Variants in CNBD1 observed in about 807,000 individuals in gnomAD.
The protein encoded by CNBD1 is cyclic nucleotide binding domain containing 1, also known as cyclic nucleotide-binding domain-containing protein 1.
Under a neutral mutation model 54.4 loss-of-function variants are expected in CNBD1, and 71 were observed. The observed-to-expected ratio is 1.30, with a 90% CI of 1.08 to 1.59. CNBD1 has a LOEUF of 1.59. Ranked by LOEUF, CNBD1 falls within the 40% of genes most tolerant of loss-of-function variation. The pLI, the probability that CNBD1 is intolerant of heterozygous loss-of-function variation, is 0.00. For synonymous variants in CNBD1, 182 were observed against 170.7 expected, an observed-to-expected ratio of 1.07 and a Z score of -0.51; for missense variants, 659 against 518.0, an observed-to-expected ratio of 1.27 and a Z score of -2.64.
intron 4 of CNBD1, among the ~76,000 whole-genome samples, chr8:87,019,257 A>G (rs1394296491): frequency 1.3e-5 from 2 of 152,062 alleles, no homozygotes; most frequent in African/African-American, 4.8e-5. Flanking sequence ...ATAGTTTAAA[A>G]AAGTCACAAA....
intron 4 of CNBD1, among the ~76,000 whole-genome samples, chr8:86,966,139 G>C (rs574484201): frequency 6.6e-6 from 1 of 152,204 alleles, no homozygotes; most frequent in Non-Finnish European, 1.5e-5. Flanking sequence ...TGGTCTGCAG[G>C]ACCAGCAGTC....
downstream of CNBD1, among the ~76,000 whole-genome samples, chr8:87,383,098 G>A (rs559624087): frequency 3.0e-3 from 455 of 151,736 alleles, 2 homozygotes; most frequent in African/African-American, 0.01. Context: ...TAGCTGTCTT[G>A]GTTCCAAATT....
In CNBD1 at chr8:87,391,411, A is replaced by T. The variant is rs904989384; in HGVS notation, c.214-37135A>T. 3.9e-5 allele frequency among the ~76,000 whole-genome samples: 6 copies of T among 152,250 alleles called. No individual in the cohort carries two copies. The East Asian group carries it at 7.7e-4, about 20-fold the overall frequency. On this transcript the variant is annotated intron_variant, in intron 2 of 7. Transcript: ENST00000521593. ...CAAGAGTTTCAGAGTTGCCAGAACA[A>T]TCCTGAAAGAGAACAAAGCGGACAG...
intron 2 of CNBD1, among the ~76,000 whole-genome samples, chr8:87,402,697 T>C (rs566133459): frequency 6.6e-6 from 1 of 152,188 alleles, no homozygotes; most frequent in Non-Finnish European, 1.5e-5. Flanking sequence ...TTTTATGCCA[T>C]GTTAAGGAGT....
chr8:87,056,106 G>T (rs1810412491), intron 4 of CNBD1, among the ~76,000 whole-genome samples: 1 of 152,094 alleles, frequency 6.6e-6, no homozygotes, highest in Non-Finnish European at 1.5e-5. Context: ...AAGAGTCCTA[G>T]ATACAGAGAG....
At chr8:87,364,406 A>G (rs1467049048) in intron 10 of CNBD1, among the ~76,000 whole-genome samples, 1 of 151,852 alleles carries the variant, frequency 6.6e-6, no homozygotes, top group African/African-American at 2.4e-5. Context: ...GCTTTTAGAT[A>G]ATTTTTTCTC....
chr8:87,398,603 C>G (rs1365999693), intron 2 of CNBD1, among the ~76,000 whole-genome samples: 1 of 151,986 alleles, frequency 6.6e-6, no homozygotes, highest in African/African-American at 2.4e-5. Context: ...TTTACATAAT[C>G]CTTCTTTTTA....
chr8:87,132,621 T>A (rs1812141376), intron 4 of CNBD1, among the ~76,000 whole-genome samples: 4 of 147,806 alleles, frequency 2.7e-5, no homozygotes, highest in Admixed American at 6.8e-5. Context: ...TATTTATGTA[T>A]AATATATAAT....
At chr8:87,147,132 T>G (rs888897836) in intron 4 of CNBD1, among the ~76,000 whole-genome samples, 4 of 152,160 alleles carry the variant, frequency 2.6e-5, no homozygotes, top group Admixed American at 6.6e-5. Flanking sequence ...GATCTCAGAC[T>G]AATGTAATTT....
chr8:87,207,994 G>A (rs1814013598), intron 5 of CNBD1, among the ~76,000 whole-genome samples: 1 of 152,110 alleles, frequency 6.6e-6, no homozygotes, highest in Admixed American at 6.6e-5. Flanking sequence ...TGTTCATCCA[G>A]TTTAGTAAAA....
chr8:87,327,805 A>T (rs528414462), intron 8 of CNBD1, among the ~76,000 whole-genome samples: 13 of 152,212 alleles, frequency 8.5e-5, no homozygotes, highest in African/African-American at 2.4e-4. Flanking sequence ...AGCTGTTCCT[A>T]TTCGGCCATC....
At chr8:87,126,283 T>A (rs1380209891) in intron 4 of CNBD1, among the ~76,000 whole-genome samples, 1 of 152,012 alleles carries the variant, frequency 6.6e-6, no homozygotes, top group Non-Finnish European at 1.5e-5. Context: ...CCACTTTACA[T>A]TCCAGAAGGC....
chr8:86,948,851 G>T (rs1402648868), intron 4 of CNBD1, among the ~76,000 whole-genome samples: 2 of 152,030 alleles, frequency 1.3e-5, no homozygotes, highest in Non-Finnish European at 2.9e-5. Flanking sequence ...CAACGTCCTG[G>T]AGTTTTCCAA....
intron 3 of CNBD1, among the ~76,000 whole-genome samples, chr8:86,929,153 G>A (rs1809415523): frequency 6.6e-6 from 1 of 152,118 alleles, no homozygotes; most frequent in Non-Finnish European, 1.5e-5. Context: ...CATTTTGATG[G>A]CTTTGGCAGT....
At chr8:87,384,896 A>ATCGCCT (rs1320847527), downstream of CNBD1, among the ~76,000 whole-genome samples, 1 of 152,338 alleles carries the variant, frequency 6.6e-6, no homozygotes, top group East Asian at 1.9e-4. Context: ...GAAAGGGGAC[A>ATCGCCT]TTGTAAAAGA....
intron 4 of CNBD1, among the ~76,000 whole-genome samples, chr8:87,061,382 T>C (rs1810543040): frequency 6.6e-6 from 1 of 152,152 alleles, no homozygotes; most frequent in African/African-American, 2.4e-5. Flanking sequence ...ATACAGCAAA[T>C]GGTCATATTT....
chr8:87,043,633 T>C (rs1420707186), intron 4 of CNBD1, among the ~76,000 whole-genome samples: 1 of 152,190 alleles, frequency 6.6e-6, no homozygotes, highest in African/African-American at 2.4e-5. Flanking sequence ...GCTCATCACA[T>C]AGGAGCTGTA....
chr8:87,017,966 G>A (rs149330866), intron 4 of CNBD1, among the ~76,000 whole-genome samples: 8 of 152,262 alleles, frequency 5.3e-5, no homozygotes, highest in East Asian at 1.9e-4. Context: ...AATTCTGGCC[G>A]GGAACAGTGG....
intron 4 of CNBD1, among the ~76,000 whole-genome samples, chr8:87,177,061 A>G (rs915155113): frequency 6.6e-6 from 1 of 152,202 alleles, no homozygotes; most frequent in Non-Finnish European, 1.5e-5. Flanking sequence ...AGAAAATACC[A>G]ACTATATAAA....
Sources: gnomAD v4.1 joint callset for allele counts (sites outside exome capture counted in the v4.1 genomes callset) on GRCh38, gnomAD v4.1.1 for gene constraint, MANE v1.5 for transcripts, NCBI Gene and HGNC (gene_info 2026-07-23, HGNC 2026-07-21) for gene names.